SH3RF2: variants seen among roughly 807,000 people sequenced by gnomAD.
SH3RF2 encodes E3 ubiquitin-protein ligase SH3RF2.
Under a neutral mutation model 59.0 loss-of-function variants are expected in SH3RF2, and 43 were observed. That is an observed-to-expected ratio of 0.73 (90% CI 0.57 to 0.94). The LOEUF (loss-of-function observed/expected upper bound fraction) is 0.94. SH3RF2 is among the 40% of genes least tolerant of loss of function. The pLI is 0.00. For synonymous variants in SH3RF2, 391 were observed against 391.5 expected (o/e 1.00, Z 0.01); for missense variants, 930 against 940.1 (o/e 0.99, Z 0.14).
At chr5:146,008,663 T>C (rs1760749246) in intron 4 of SH3RF2, among the ~76,000 whole-genome samples, 1 of 152,220 alleles carries the variant, frequency 6.6e-6, no homozygotes, top group Non-Finnish European at 1.5e-5. Flanking sequence ...AATTTACTCT[T>C]TTTAACATCC....
In SH3RF2 at chr5:145,996,411, G is replaced by T. The variant is rs147538497; in HGVS notation, c.379-3647G>T. 6.8e-3 allele frequency among the ~76,000 whole-genome samples: 1,037 copies of T among 152,252 alleles called. 15 individuals carry two copies. Among genetic ancestry groups the T allele is most frequent in the African/African-American group, 0.024 (1,010 of 41,538 alleles). The stretch of plus-strand genomic sequence containing the variant: ...ACCCAGCAGACTTCGAGCAAGACTG[G>T]AGTGAGGCCATTTCTATGTGAAAAA... On this transcript the variant is annotated intron_variant, in intron 2 of 9. Coordinates refer to ENST00000359120, the MANE Select transcript of SH3RF2 (RefSeq NM_152550.4).
At position 146,056,222 on chromosome 5, in the gene SH3RF2, T is replaced by C; in HGVS notation, c.1555+9T>C. ...GAGCAGCATGAGAAAGAGTAAGTGGTGGCAGAGAGGTACGTGCCTAGAGCT... is the reference window on the plus strand; with the variant it reads ...GAGCAGCATGAGAAAGAGTAAGTGGCGGCAGAGAGGTACGTGCCTAGAGCT... On this transcript the variant is annotated intron_variant, in intron 8 of 9. Coordinates refer to ENST00000359120, the MANE Select transcript of SH3RF2 (RefSeq NM_152550.4). 2 of 1,614,172 alleles carry C rather than the reference T, an allele frequency of 1.2e-6. No homozygotes were observed. Among genetic ancestry groups the C allele is most frequent in the Non-Finnish European group, 1.7e-6 (2 of 1,180,038 alleles).
At chr5:145,970,615 C>T (rs1010047867) in intron 2 of SH3RF2, among the ~76,000 whole-genome samples, 3 of 152,206 alleles carry the variant, frequency 2.0e-5, no homozygotes, top group Non-Finnish European at 2.9e-5. Flanking sequence ...TATGATGCAA[C>T]AAAAAGGCCC....
intron 4 of SH3RF2, among the ~76,000 whole-genome samples, chr5:146,009,464 T>C (rs901424792): frequency 2.0e-5 from 3 of 152,202 alleles, no homozygotes; most frequent in Non-Finnish European, 4.4e-5. Context: ...GAGTAGCTTA[T>C]GGTGCCTCTT....
downstream of SH3RF2, among the ~76,000 whole-genome samples, chr5:146,068,259 AC>A (rs1763150939): frequency 6.6e-6 from 1 of 152,052 alleles, no homozygotes; most frequent in African/African-American, 2.4e-5. Context: ...TCATCTTCTC[AC>A]CCACGTCTGA....
intron 4 of SH3RF2, among the ~76,000 whole-genome samples, chr5:146,006,235 C>G (rs533180600): frequency 6.6e-6 from 1 of 152,190 alleles, no homozygotes; most frequent in African/African-American, 2.4e-5. Context: ...CCAGCTTGGG[C>G]AACATAGTGA....
At chr5:145,990,108 C>T (rs1759877943) in intron 2 of SH3RF2, among the ~76,000 whole-genome samples, 1 of 152,130 alleles carries the variant, frequency 6.6e-6, no homozygotes, top group Admixed American at 6.6e-5. Flanking sequence ...TTGGAGATCT[C>T]ATCTAACTGA....
At chr5:146,079,273 C>T (rs1479795707) in exon 10 of SH3RF2, 2 of 152,104 alleles carry the variant, frequency 1.3e-5, no homozygotes. Flanking sequence ...CATTAGAAGA[C>T]ATTCTAATCC....
At chr5:145,946,713 C>G (rs937461293) in intron 2 of SH3RF2, among the ~76,000 whole-genome samples, 36 of 152,164 alleles carry the variant, frequency 2.4e-4, no homozygotes, top group Non-Finnish European at 1.0e-4. Flanking sequence ...TGACTAAACT[C>G]TTACATCATA....
intron 5 of SH3RF2, among the ~76,000 whole-genome samples, chr5:146,037,417 C>A (rs951759039): frequency 2.0e-5 from 3 of 152,152 alleles, no homozygotes; most frequent in Non-Finnish European, 2.9e-5. Context: ...CCATGGGGTT[C>A]CTTTTAAGTA....
Position 146,060,178 on chromosome 5 carries a change from C to A in SH3RF2, c.1868C>A (p.Pro623Gln), listed in dbSNP as rs1445312165. ...CCAAAACCGCCCGCATCTGCCCCAC[C>A]ATCCATCCTGGTGAAACCAGAAAAC... is the stretch of plus-strand genomic sequence containing the variant. ...PLPKPPASAP[P>Q]SILVKPENSR... The change falls in exon 9 of 10, where the codon CCA (proline) becomes CAA (glutamine). Residue 623 changes from proline to glutamine, a missense_variant. Physicochemically the swap from Pro to Gln is moderately conservative, Grantham distance 76 (BLOSUM62 -1). Coordinates refer to ENST00000359120, the MANE Select transcript of SH3RF2 (RefSeq NM_152550.4). 3 of 1,613,508 alleles carry A rather than the reference C, an allele frequency of 1.9e-6. No individual in the cohort carries two copies. Among genetic ancestry groups the A allele is most frequent in the Admixed American group, 1.7e-5 (1 of 59,946 alleles).
chr5:145,977,597 A>G (rs1759343266), intron 2 of SH3RF2, among the ~76,000 whole-genome samples: 1 of 152,190 alleles, frequency 6.6e-6, no homozygotes, highest in African/African-American at 2.4e-5. Context: ...AAATGTACAC[A>G]AAGACAGGTA....
At chr5:146,064,790 AGGAAGG>A (rs1561773726), downstream of SH3RF2, among the ~76,000 whole-genome samples, 4 of 33,206 alleles carry the variant, frequency 1.2e-4, no homozygotes, top group African/African-American at 4.4e-4. Flanking sequence ...GAAGGAAGGA[AGGAAGG>A]AAGGAAGGAA....
Position 145,937,836 on chromosome 5 carries a change from C to A in SH3RF2, c.-93C>A, listed in dbSNP as rs545821713. ...TCCTTCAAGCAGGCAAAAATTCTGA[C>A]GTTCTCAAGAGACCAGCTCTGCCCC... On this transcript the variant is annotated 5_prime_UTR_variant, in exon 2 of 10. Transcript: ENST00000359120. 139 of 1,462,968 alleles carry A rather than the reference C, an allele frequency of 9.5e-5. 2 individuals carry two copies. The South Asian group carries it at 1.8e-3, about 19-fold the overall frequency. The allele number at this position is 1,462,968 out of a possible 1,614,324, so 90.6% of individuals were successfully genotyped here.
intron 9 of SH3RF2, among the ~76,000 whole-genome samples, chr5:146,061,314 A>G (rs1328270833): frequency 6.6e-6 from 1 of 152,174 alleles, no homozygotes; most frequent in East Asian, 1.9e-4. Context: ...TGCAAAACTC[A>G]TGCTCTTACT....
At position 146,028,203 on chromosome 5, in the gene SH3RF2, CACACACAG is replaced by C. The variant is rs1247383842; in HGVS notation, c.1059+14144_1059+14151del. 1.3e-3 allele frequency among the ~76,000 whole-genome samples: 140 copies of C among 108,178 alleles called. 2 individuals are homozygous for C. The highest frequency in any genetic ancestry group is 2.7e-3 in the South Asian group (10 of 3,720). 71.0% of individuals were successfully genotyped at this position (108,178 alleles called of 152,430 possible). A position where few individuals can be genotyped will look rare whatever the true frequency, so the allele number is the denominator to read the frequency against. On this transcript the variant is annotated intron_variant, in intron 5 of 9. Transcript: ENST00000359120. ...ACACACACACACACACACACACACACACACACAGAGATAATTCAACAAGAAAGGAAGAC... is the reference window on the plus strand; with the variant it reads ...ACACACACACACACACACACACACACAGATAATTCAACAAGAAAGGAAGAC...
At chr5:145,984,295 C>T (rs1447289357) in intron 2 of SH3RF2, among the ~76,000 whole-genome samples, 2 of 152,230 alleles carry the variant, frequency 1.3e-5, no homozygotes, top group African/African-American at 4.8e-5. Flanking sequence ...GCAGTTGCAA[C>T]ACAGGGTGAT....
intron 8 of SH3RF2, among the ~76,000 whole-genome samples, chr5:146,058,884 A>G (rs1762776439): frequency 6.6e-6 from 1 of 152,106 alleles, no homozygotes; most frequent in South Asian, 2.1e-4. Context: ...AAAAAAAAAA[A>G]AAAGGAAAAG....
intron 2 of SH3RF2, among the ~76,000 whole-genome samples, chr5:145,988,167 G>A (rs1759789636): frequency 6.6e-6 from 1 of 152,098 alleles, no homozygotes; most frequent in Non-Finnish European, 1.5e-5. Flanking sequence ...TGCTGTCCAG[G>A]ATTTTACTGG....
Sources: gnomAD v4.1 joint callset for allele counts (sites outside exome capture counted in the v4.1 genomes callset) on GRCh38, gnomAD v4.1.1 for gene constraint, MANE v1.5 for transcripts, NCBI Gene and HGNC (gene_info 2026-07-23, HGNC 2026-07-21) for gene names.